The following HMGB1 variants were observed in gnomAD, a reference collection of about 807,000 sequenced individuals.
HMGB1 encodes high mobility group protein B1.
For missense variants in HMGB1, 79 were observed against 253.5 expected (o/e 0.31, Z 4.67); for synonymous variants, 81 against 84.0 (o/e 0.96, Z 0.19).
chr13:30,597,365 T>C (rs1418550580), intron 1 of HMGB1, among the ~76,000 whole-genome samples: 1 of 152,200 alleles, frequency 6.6e-6, no homozygotes, highest in Non-Finnish European at 1.5e-5. Context: ...GGAAGAGTCA[T>C]GGGACAGGTT....
chr13:30,480,841 T>C (rs1887210852), intron 1 of HMGB1, among the ~76,000 whole-genome samples: 1 of 151,830 alleles, frequency 6.6e-6, no homozygotes, highest in Admixed American at 6.6e-5. Flanking sequence ...ACGTGCCAAA[T>C]GGCTTTGGGG....
At chr13:30,560,575 G>A (rs1556429) in intron 1 of HMGB1, among the ~76,000 whole-genome samples, 106,723 of 152,114 alleles carry the variant, frequency 0.7, 42,547 homozygotes, top group East Asian at 0.96. Context: ...AAGGTGTAAC[G>A]TTGCATGAAA....
Position 30,575,702 on chromosome 13 carries a change from A to G in HMGB1, c.-15+40969T>C, listed in dbSNP as rs527922566. ...TTCTAATAATACAGTACTGCTATGTATCTAATGTGGGGTTAGTCAATGATA... is the reference window on the plus strand; with the variant it reads ...TTCTAATAATACAGTACTGCTATGTGTCTAATGTGGGGTTAGTCAATGATA... On this transcript the variant is annotated intron_variant, in intron 1 of 4. Transcript: ENST00000405805. Among the ~76,000 whole-genome samples the G allele has an allele frequency of 5.3e-5, 8 of 152,320 alleles. No homozygotes were observed. The South Asian group carries it at 1.7e-3, about 32-fold the overall frequency.
intron 1 of HMGB1, among the ~76,000 whole-genome samples, chr13:30,590,284 T>G (rs1871314102): frequency 1.3e-5 from 2 of 152,116 alleles, no homozygotes; most frequent in Admixed American, 6.6e-5. Context: ...TCAAACAAAT[T>G]TATTTTTAAT....
In HMGB1 at chr13:30,462,724, AT is replaced by A. The variant is rs747688524; in HGVS notation, c.297-13del. ...GGAAGAAGGCCGAACTAAAAAAAAAATTAATTTTAGGATTTTAAGTTAACAG... is the reference window on the plus strand; with the variant it reads ...GGAAGAAGGCCGAACTAAAAAAAAAATAATTTTAGGATTTTAAGTTAACAG... On this transcript the variant is annotated splice_polypyrimidine_tract_variant and intron_variant, in intron 3 of 4. Coordinates refer to ENST00000341423, the MANE Select transcript of HMGB1 (RefSeq NM_002128.7). 32 of 1,606,594 alleles carry A rather than the reference AT, an allele frequency of 2.0e-5. No individual in the cohort carries two copies. In the South Asian group the frequency reaches 3.5e-4, roughly 18 times the overall value.
chr13:30,496,647 A>T (rs1379641489), intron 1 of HMGB1, among the ~76,000 whole-genome samples: 2 of 152,230 alleles, frequency 1.3e-5, no homozygotes, highest in African/African-American at 4.8e-5. Flanking sequence ...ATTCTTTATT[A>T]AAAAGGTGTT....
intron 1 of HMGB1, among the ~76,000 whole-genome samples, chr13:30,564,392 G>A (rs1339714068): frequency 6.6e-6 from 1 of 152,016 alleles, no homozygotes; most frequent in Admixed American, 6.6e-5. Flanking sequence ...TTTGAACCCA[G>A]GAGGCAGAGG....
chr13:30,471,548 T>C (rs888908885), intron 1 of HMGB1, among the ~76,000 whole-genome samples: 5 of 150,302 alleles, frequency 3.3e-5, no homozygotes, highest in African/African-American at 1.2e-4. Context: ...AGAGACGGGA[T>C]TTCACCATGT....
intron 1 of HMGB1, among the ~76,000 whole-genome samples, chr13:30,567,273 A>T (rs1870224264): frequency 6.6e-6 from 1 of 152,172 alleles, no homozygotes; most frequent in Non-Finnish European, 1.5e-5. Context: ...CATTCAAAGA[A>T]AAACCAAAAA....
At position 30,590,610 on chromosome 13, in the gene HMGB1, G is replaced by A. The variant is rs561884421; in HGVS notation, c.-15+26061C>T. 5.6e-4 allele frequency among the ~76,000 whole-genome samples: 85 copies of A among 152,344 alleles called. No individual in the cohort carries two copies. In the South Asian group the frequency reaches 7.2e-3, roughly 13 times the overall value. On this transcript the variant is annotated intron_variant, in intron 1 of 4. Coordinates refer to the HMGB1 transcript ENST00000405805. ...GCAAAGAAATGACAAGCCGTTCAAT[G>A]CTGTTAGAGAATGAAATTCAAGGTT...
intron 1 of HMGB1, among the ~76,000 whole-genome samples, chr13:30,526,472 G>C (rs1209226351): frequency 1.3e-5 from 2 of 152,206 alleles, no homozygotes; most frequent in East Asian, 3.9e-4. Flanking sequence ...GAGACATTAA[G>C]ACAGAGAACA....
intron 3 of HMGB1, 86 bp from the exon 4 acceptor site, chr13:30,462,798 G>A (rs1886441137): frequency 1.8e-6 from 2 of 1,097,630 alleles, no homozygotes; most frequent in Admixed American, 2.3e-5. Flanking sequence ...GCTATTTAAA[G>A]CTGCCTGTGA....
intron 1 of HMGB1, among the ~76,000 whole-genome samples, chr13:30,605,966 A>C (rs1368253150): frequency 1.3e-5 from 2 of 152,144 alleles, no homozygotes; most frequent in Non-Finnish European, 2.9e-5. Context: ...CCATGAACAC[A>C]CCTAGGAAAA....
intron 1 of HMGB1, among the ~76,000 whole-genome samples, chr13:30,560,563 T>A (rs1869903902): frequency 6.6e-6 from 1 of 152,128 alleles, no homozygotes; most frequent in Non-Finnish European, 1.5e-5. Flanking sequence ...CCAAGGAGTA[T>A]AAAGGTGTAA....
intron 1 of HMGB1, among the ~76,000 whole-genome samples, chr13:30,512,509 C>A (rs536928452): frequency 3.0e-4 from 45 of 152,362 alleles, no homozygotes; most frequent in Middle Eastern, 6.8e-3. Context: ...TTTGATTCCA[C>A]AGCAATCCTG....
At chr13:30,509,452 G>A (rs552608701) in intron 1 of HMGB1, among the ~76,000 whole-genome samples, 1 of 152,056 alleles carries the variant, frequency 6.6e-6, no homozygotes, top group South Asian at 2.1e-4. Context: ...TTGGCCAGCT[G>A]GTCTTAAACT....
chr13:30,551,106 A>G (rs921401023), intron 1 of HMGB1, among the ~76,000 whole-genome samples: 1 of 152,324 alleles, frequency 6.6e-6, no homozygotes. Flanking sequence ...GCATTTTACC[A>G]TCTACTATCA....
chr13:30,527,993 C>G (rs1163627798), intron 1 of HMGB1, among the ~76,000 whole-genome samples: 2 of 152,148 alleles, frequency 1.3e-5, no homozygotes, highest in Admixed American at 1.3e-4. Context: ...TTGAGAACAA[C>G]TGTTTGAAGA....
chr13:30,522,276 C>A (rs1888256850), intron 1 of HMGB1, among the ~76,000 whole-genome samples: 1 of 151,942 alleles, frequency 6.6e-6, no homozygotes, highest in Non-Finnish European at 1.5e-5. Flanking sequence ...TCATGCCCAG[C>A]TAACTTCTTT....
Sources: allele counts gnomAD v4.1 joint callset (sites outside exome capture counted in the v4.1 genomes callset), GRCh38; gene constraint gnomAD v4.1.1; transcripts MANE v1.5; gene names NCBI Gene and HGNC (gene_info 2026-07-23, HGNC 2026-07-21).